PGBD2: variants seen among roughly 807,000 people sequenced by gnomAD.
PGBD2 encodes the protein piggyBac transposable element derived 2.
PGBD2 carries 6 observed loss-of-function variants against 8.1 expected under a neutral mutation model. The observed-to-expected ratio is 0.74, with a 90% CI of 0.40 to 1.46. The LOEUF (loss-of-function observed/expected upper bound fraction) is 1.46, where lower values mean the gene tolerates loss of function less well. Ranked by LOEUF, PGBD2 falls within the 40% of genes most tolerant of loss-of-function variation. The probability of loss-of-function intolerance (pLI) is 0.02; values close to 1 mark genes in which losing one functional copy is unlikely to be tolerated. For synonymous variants in PGBD2, 318 were observed against 272.2 expected, an observed-to-expected ratio of 1.17 and a Z score of -1.66; for missense variants, 802 against 739.0, an observed-to-expected ratio of 1.09 and a Z score of -0.99.
Position 248,917,096 on chromosome 1 carries a change from A to G in PGBD2, c.512A>G (p.Asn171Ser), listed in dbSNP as rs373201298. 6.2e-6 allele frequency: 10 copies of G among 1,613,806 alleles called. No homozygotes were observed. The highest frequency in any genetic ancestry group is 1.6e-4 in the Middle Eastern group (1 of 6,082). The change falls in exon 3 of 3, where the codon AAT becomes AGT. Residue 171 changes from asparagine to serine, a missense_variant. Physicochemically the swap from Asn to Ser is conservative, Grantham distance 46 (BLOSUM62 1). Coordinates refer to ENST00000329291, the MANE Select transcript of PGBD2 (RefSeq NM_170725.3). Reference sequence around the variant, plus strand: ...CGTTATGCTTGGCAGAAAAATGTCAATTTGAGTCTTACGGCTCAGGAATTG... The same window carrying G: ...CGTTATGCTTGGCAGAAAAATGTCAGTTTGAGTCTTACGGCTCAGGAATTG... ...TNRYAWQKNV[N>S]LSLTAQELKC...
chr1:248,883,374 G>A, the PGBD2 span, among the ~76,000 whole-genome samples: 1 of 151,892 alleles, frequency 6.6e-6, no homozygotes, highest in African/African-American at 2.4e-5. Flanking sequence ...CCGCCGCCTC[G>A]GCCTCCCAAA....
intron 1 of PGBD2, among the ~76,000 whole-genome samples, chr1:248,910,188 A>G (rs1661816321): frequency 6.6e-6 from 1 of 152,214 alleles, no homozygotes; most frequent in Non-Finnish European, 1.5e-5. Flanking sequence ...TTAATCAAAC[A>G]TAATTTCTGC....
chr1:248,914,444 G>A (rs1662019412), intron 2 of PGBD2: 2 of 1,279,952 alleles, frequency 1.6e-6, no homozygotes, highest in South Asian at 2.5e-5. Context: ...TGCAGAGCTT[G>A]GATGAGTGAA....
At chr1:248,878,559 T>A in the PGBD2 span, among the ~76,000 whole-genome samples, 1 of 152,188 alleles carries the variant, frequency 6.6e-6, no homozygotes, top group African/African-American at 2.4e-5. Flanking sequence ...CTTATTTAAA[T>A]TAAAACACCC....
the PGBD2 span, among the ~76,000 whole-genome samples, chr1:248,880,055 G>A: frequency 6.6e-6 from 1 of 152,168 alleles, no homozygotes; most frequent in East Asian, 1.9e-4. Context: ...TTGGGTCATG[G>A]AAGCTGATCC....
At chr1:248,909,350 G>A (rs1383203184) in intron 1 of PGBD2, among the ~76,000 whole-genome samples, 1 of 152,170 alleles carries the variant, frequency 6.6e-6, no homozygotes, top group African/African-American at 2.4e-5. Context: ...TCACTGACAG[G>A]TATTTCCTAT....
At chr1:248,896,190 C>T in the PGBD2 span, among the ~76,000 whole-genome samples, 49 of 152,150 alleles carry the variant, frequency 3.2e-4, no homozygotes, top group East Asian at 3.1e-3. Flanking sequence ...TGCAAATGTA[C>T]GGCTTGCAGT....
chr1:248,908,657 CCCTT>C (rs1462846994), intron 1 of PGBD2, among the ~76,000 whole-genome samples: 1 of 151,304 alleles, frequency 6.6e-6, no homozygotes, highest in Non-Finnish European at 1.5e-5. Flanking sequence ...TTAACATACA[CCCTT>C]CCTTCTGTTA....
At chr1:248,928,623 T>C in the PGBD2 span, among the ~76,000 whole-genome samples, 1 of 152,140 alleles carries the variant, frequency 6.6e-6, no homozygotes, top group African/African-American at 2.4e-5. Context: ...TCTGTTCTCT[T>C]TCCACTGCAT....
intron 1 of PGBD2, among the ~76,000 whole-genome samples, chr1:248,910,749 C>T (rs561920112): frequency 1.7e-4 from 26 of 152,268 alleles, no homozygotes; most frequent in Admixed American, 5.2e-4. Context: ...TACTGAAAGC[C>T]CATGGGGACT....
chr1:248,897,833 C>T, the PGBD2 span, among the ~76,000 whole-genome samples: 21,218 of 152,128 alleles, frequency 0.14, 3,148 homozygotes, highest in African/African-American at 0.37. Flanking sequence ...CTGAGATGAC[C>T]GAGTTCCTGG....
rs975495785 is a variant in PGBD2, at chr1:248,906,263, C to T, written c.-127C>T. 1 of 152,072 alleles carries T rather than the reference C, an allele frequency of 6.6e-6. No individual in the cohort carries two copies. The highest frequency in any genetic ancestry group is 2.0e-4 in the East Asian group (1 of 5,100). 9.4% of individuals were successfully genotyped at this position (152,072 alleles called of 1,614,324 possible). A position where few individuals can be genotyped will look rare whatever the true frequency, so the allele number is the denominator to read the frequency against. On this transcript the variant is annotated 5_prime_UTR_variant, in exon 1 of 3. Coordinates refer to ENST00000329291, the MANE Select transcript of PGBD2 (RefSeq NM_170725.3). ...CGTTGCGCGGCCGCGACGCCCGACG[C>T]CAACGCAGGCGCAGCGCTCCGATTC... is the stretch of plus-strand genomic sequence containing the variant.
chr1:248,875,228 G>A, the PGBD2 span, among the ~76,000 whole-genome samples: 4 of 151,134 alleles, frequency 2.6e-5, no homozygotes, highest in Admixed American at 6.6e-5. Context: ...CCTGGGAGGC[G>A]GAGGTTGCAG....
chr1:248,882,900 A>G, the PGBD2 span, among the ~76,000 whole-genome samples: 1 of 152,168 alleles, frequency 6.6e-6, no homozygotes, highest in Admixed American at 6.5e-5. Context: ...ATTCCGTAGC[A>G]ATAGTTTCAG....
chr1:248,916,416 T>C (rs1299117134), intron 2 of PGBD2, among the ~76,000 whole-genome samples, 186 bp from the exon 3 acceptor site: 1 of 152,014 alleles, frequency 6.6e-6, no homozygotes, highest in Non-Finnish European at 1.5e-5. Flanking sequence ...AAAAAAATTA[T>C]AACAATAAAA....
At chr1:248,885,357 T>C in the PGBD2 span, among the ~76,000 whole-genome samples, 4 of 151,540 alleles carry the variant, frequency 2.6e-5, no homozygotes, top group African/African-American at 9.7e-5. Flanking sequence ...CCCAGACTGG[T>C]CTTGAACTCC....
the PGBD2 span, among the ~76,000 whole-genome samples, chr1:248,928,074 TTTG>T: frequency 1.2e-4 from 18 of 152,304 alleles, no homozygotes; most frequent in East Asian, 1.7e-3. Context: ...TTTGTGGGTT[TTTG>T]TTGTTGTTTG....
chr1:248,874,759 C>G, the PGBD2 span, among the ~76,000 whole-genome samples: 5 of 152,234 alleles, frequency 3.3e-5, no homozygotes, highest in South Asian at 1.0e-3. Flanking sequence ...CAGCATCTAT[C>G]TTTTCATTTT....
downstream of PGBD2, among the ~76,000 whole-genome samples, chr1:248,921,419 T>C (rs1244030167): frequency 3.3e-5 from 5 of 152,232 alleles, no homozygotes. Flanking sequence ...CTTGTTTTTG[T>C]CAGGTTTGTC....
Sources: gnomAD v4.1 joint callset for allele counts (sites outside exome capture counted in the v4.1 genomes callset) on GRCh38, gnomAD v4.1.1 for gene constraint, MANE v1.5 for transcripts, NCBI Gene and HGNC (gene_info 2026-07-23, HGNC 2026-07-21) for gene names.